COA1: variants seen among roughly 807,000 people sequenced by gnomAD.
COA1 encodes cytochrome c oxidase assembly factor 1 homolog.
Under a neutral mutation model 16.0 loss-of-function variants are expected in COA1, and 13 were observed. That is an observed-to-expected ratio of 0.81 (90% CI 0.53 to 1.29). The LOEUF is 1.29. Among genes scored for constraint, COA1 ranks in the 50% most tolerant of loss-of-function variants. The pLI is 0.00. For synonymous variants in COA1, 65 were observed against 65.7 expected (o/e 0.99, Z 0.05); for missense variants, 179 against 177.0 (o/e 1.01, Z -0.06).
chr7:43,672,190 T>C (rs763104039), intron 1 of COA1, among the ~76,000 whole-genome samples: 5 of 152,168 alleles, frequency 3.3e-5, no homozygotes. Context: ...TCCAGCATCA[T>C]TCTGATACCA....
At chr7:43,664,076 T>A (rs2092691144) in intron 1 of COA1, among the ~76,000 whole-genome samples, 1 of 128,840 alleles carries the variant, frequency 7.8e-6, no homozygotes, top group Admixed American at 7.9e-5. Context: ...TTTTAAAAAA[T>A]GGAATCATTT....
intron 1 of COA1, among the ~76,000 whole-genome samples, chr7:43,691,340 AGAGGGAGGGAGGGAGG>A (rs780438936): frequency 0.31 from 14,428 of 47,088 alleles, 2,450 homozygotes; most frequent in South Asian, 0.42. Flanking sequence ...AGAAAGAGAG[AGAGGGAGGGAGGGAGG>A]GAGGGAGGGA....
At chr7:43,722,252 A>T (rs867860413) in intron 1 of COA1, among the ~76,000 whole-genome samples, 3 of 151,692 alleles carry the variant, frequency 2.0e-5, no homozygotes, top group Non-Finnish European at 4.4e-5. Context: ...CACCATGCCC[A>T]GCTAGTTCTT....
chr7:43,626,462 G>A (rs1302237800), intron 6 of COA1: 1 of 152,086 alleles, frequency 6.6e-6, no homozygotes, highest in Non-Finnish European at 1.5e-5. Flanking sequence ...TCACTAAATT[G>A]GCTTTATTTA....
chr7:43,644,441 A>G (rs2088134922), intron 4 of COA1, among the ~76,000 whole-genome samples: 1 of 152,232 alleles, frequency 6.6e-6, no homozygotes, highest in Non-Finnish European at 1.5e-5. Context: ...ATTCTGTGGA[A>G]GCAATGTAAA....
intron 6 of COA1, chr7:43,625,179 A>C: frequency 5.0e-6 from 1 of 201,180 alleles, no homozygotes; most frequent in Non-Finnish European, 1.0e-5. Flanking sequence ...AAAGTGCCAA[A>C]ACTACACTTC....
intron 6 of COA1, among the ~76,000 whole-genome samples, chr7:43,628,931 T>G (rs1220803488): frequency 1.3e-5 from 2 of 152,220 alleles, no homozygotes; most frequent in African/African-American, 4.8e-5. Context: ...TAAGAAGTCT[T>G]TGCCTACCCA....
chr7:43,637,057 T>TCATGTTGTGCTTTCCACTTG (rs1169713028), downstream of COA1, among the ~76,000 whole-genome samples: 2 of 152,226 alleles, frequency 1.3e-5, no homozygotes, highest in African/African-American at 2.4e-5. Context: ...GGGCCTTTCT[T>TCATGTTGTGCTTTCCACTTG]CATGTTGTGC....
At chr7:43,622,588 A>G (rs1297079221) in intron 6 of COA1, 2 of 151,636 alleles carry the variant, frequency 1.3e-5, no homozygotes, top group East Asian at 1.9e-4. Context: ...TTGTGAGTAG[A>G]TTTTTTTAAG....
At chr7:43,677,330 A>G (rs542002623) in intron 1 of COA1, among the ~76,000 whole-genome samples, 13 of 152,364 alleles carry the variant, frequency 8.5e-5, no homozygotes, top group Non-Finnish European at 1.5e-4. Context: ...CATAAAAGGA[A>G]GGACAAACTC....
chr7:43,648,840 GA>G (rs574301215), intron 1 of COA1, 188 bp from the exon 2 acceptor site: 1 of 536,258 alleles, frequency 1.9e-6, no homozygotes, highest in South Asian at 2.7e-5. Flanking sequence ...AAATTAGGAA[GA>G]AAAAACAAAG....
At chr7:43,685,179 G>T (rs995173759) in intron 1 of COA1, among the ~76,000 whole-genome samples, 9 of 143,140 alleles carry the variant, frequency 6.3e-5, no homozygotes, top group Non-Finnish European at 1.2e-4. Flanking sequence ...AAAAGGAAAA[G>T]AATAAATAAA....
chr7:43,701,346 A>G (rs1255110767), intron 1 of COA1, among the ~76,000 whole-genome samples: 3 of 152,120 alleles, frequency 2.0e-5, no homozygotes, highest in Non-Finnish European at 1.5e-5. Context: ...GCTCTCACTT[A>G]TAAGTGAGAA....
intron 1 of COA1, among the ~76,000 whole-genome samples, chr7:43,667,586 T>C (rs2092967547): frequency 6.6e-6 from 1 of 152,204 alleles, no homozygotes; most frequent in African/African-American, 2.4e-5. Context: ...TCTTGCTTTG[T>C]TCCTTCTCAA....
Position 43,644,095 on chromosome 7 carries a change from C to T in COA1, c.264+1156G>A, listed in dbSNP as rs538939107. Reference sequence around the variant, plus strand: ...TCCACTGCCGTATCACACTGACAGGCGACACAGTGATGAACTTTCCCAGGC... The same window carrying T: ...TCCACTGCCGTATCACACTGACAGGTGACACAGTGATGAACTTTCCCAGGC... On this transcript the variant is annotated intron_variant, in intron 4 of 5. Transcript: ENST00000223336. Among the ~76,000 whole-genome samples, 19 of 152,180 alleles carry T rather than the reference C, an allele frequency of 1.2e-4. 1 individual carries two copies. The South Asian group carries it at 2.9e-3, about 23-fold the overall frequency.
intron 1 of COA1, among the ~76,000 whole-genome samples, chr7:43,701,094 T>G: frequency 6.6e-6 from 1 of 152,218 alleles, no homozygotes; most frequent in Admixed American, 6.5e-5. Flanking sequence ...TTATCTTTTT[T>G]ACTTTTTAAA....
chr7:43,707,813 T>C (rs2095055233), intron 1 of COA1, among the ~76,000 whole-genome samples: 1 of 152,218 alleles, frequency 6.6e-6, no homozygotes, highest in South Asian at 2.1e-4. Flanking sequence ...GTACAAATAG[T>C]GGTGCTATAA....
At chr7:43,711,656 T>C (rs919042094) in intron 1 of COA1, among the ~76,000 whole-genome samples, 1 of 152,244 alleles carries the variant, frequency 6.6e-6, no homozygotes, top group African/African-American at 2.4e-5. Flanking sequence ...TACACAAACC[T>C]AGATGGTACA....
chr7:43,655,847 T>C (rs905180116), intron 1 of COA1, among the ~76,000 whole-genome samples: 1 of 152,142 alleles, frequency 6.6e-6, no homozygotes, highest in Non-Finnish European at 1.5e-5. Flanking sequence ...GCTTGGCAGT[T>C]TGCACTCTGG....
Sources: gnomAD v4.1 joint callset for allele counts (sites outside exome capture counted in the v4.1 genomes callset) on GRCh38, gnomAD v4.1.1 for gene constraint, MANE v1.5 for transcripts, NCBI Gene and HGNC (gene_info 2026-07-23, HGNC 2026-07-21) for gene names.